CCDC186: variants seen among roughly 807,000 people sequenced by gnomAD.
The protein encoded by CCDC186 is coiled-coil domain-containing protein 186.
In CCDC186, 49 loss-of-function variants were observed where a neutral mutation model predicts 113.7. That is an observed-to-expected ratio of 0.43 (90% CI 0.34 to 0.55). The LOEUF (loss-of-function observed/expected upper bound fraction) is 0.55. Ranked by LOEUF, CCDC186 falls within the 20% of genes least tolerant of loss-of-function variation. CCDC186 has a pLI of 0.02. For missense variants in CCDC186, 890 were observed against 1,011.1 expected, an observed-to-expected ratio of 0.88 and a Z score of 1.62; for synonymous variants, 355 against 345.8, an observed-to-expected ratio of 1.03 and a Z score of -0.30.
intron 1 of CCDC186, among the ~76,000 whole-genome samples, chr10:114,169,133 A>G (rs2032414917): frequency 6.6e-6 from 1 of 152,106 alleles, no homozygotes; most frequent in South Asian, 2.1e-4. Flanking sequence ...GGGCTCCATC[A>G]GAAGCTAAGT....
Position 114,162,912 on chromosome 10 carries a change from C to G in CCDC186, c.357G>C (p.Leu119Phe), listed in dbSNP as rs775941338. ...GAAATGTAGATGACCTTAATTCCAC[C>G]AATATTTGTGTTACTTTCTGTTCTG... is the stretch of plus-strand genomic sequence containing the variant. The part of the protein sequence containing the change: ...NETEQKVTQI[L>F]VELRSSTFPE... The change falls in exon 2 of 16, where the codon TTG becomes TTC. Residue 119 changes from leucine (L) to phenylalanine (F), a missense_variant. Physicochemically the swap from Leu to Phe is conservative, Grantham distance 22 (BLOSUM62 0). Coordinates refer to ENST00000369287, the MANE Select transcript of CCDC186 (RefSeq NM_018017.4). 1.1e-5 allele frequency: 18 copies of G among 1,613,526 alleles called. No individual in the cohort carries two copies. The highest frequency in any genetic ancestry group is 1.4e-5 in the Non-Finnish European group (16 of 1,179,844).
intron 1 of CCDC186, among the ~76,000 whole-genome samples, chr10:114,164,065 A>AGTGTGTGTGTGTGTGTGTGTGTGT (rs747232906): frequency 2.4e-4 from 26 of 107,044 alleles, no homozygotes; most frequent in Non-Finnish European, 4.2e-4. Context: ...ACCAAGTTAG[A>AGTGTGTGTGTGTGTGTGTGTGTGT]GTGTGTGTGT....
rs1199866680 is a variant in CCDC186 at position 114,125,858 on chromosome 10, T to C, written c.2613+28A>G. 1.9e-6 allele frequency: 3 copies of C among 1,584,226 alleles called. No individual in the cohort carries two copies. The South Asian group carries it at 3.3e-5, about 18-fold the overall frequency. ...GGCATCATTTTGCCATGTTTACTGG[T>C]TGGTGTGTGAATGAGAAACACAAAT... On this transcript the variant is annotated intron_variant, in intron 15 of 15. Transcript: ENST00000369287.
Position 114,126,108 on chromosome 10 carries a change from G to A in CCDC186, c.2394-3C>T, listed in dbSNP as rs2119673333. On this transcript the variant is annotated splice_polypyrimidine_tract_variant and splice_region_variant and intron_variant, in intron 14 of 15. Transcript: ENST00000369287. The stretch of plus-strand genomic sequence containing the variant: ...GTAAAATATAACTTTGAATTATTCT[G>A]CAAAACAAAATGATAGTATCAGTTG... 1 of 1,611,022 alleles carries A rather than the reference G, an allele frequency of 6.2e-7. No individual in the cohort carries two copies. The highest frequency in any genetic ancestry group is 1.1e-5 in the South Asian group (1 of 90,982).
At chr10:114,157,493 C>A in intron 3 of CCDC186, 61 bp downstream of exon 3, 7 of 1,471,260 alleles carry the variant, frequency 4.8e-6, no homozygotes, top group Non-Finnish European at 6.4e-6. Flanking sequence ...CAATCGGCTG[C>A]CAGGAATGTA....
intron 3 of CCDC186, among the ~76,000 whole-genome samples, chr10:114,154,513 G>A (rs1419742210): frequency 6.6e-6 from 1 of 151,954 alleles, no homozygotes; most frequent in African/African-American, 2.4e-5. Flanking sequence ...GATCTGAATA[G>A]ACCTATAACA....
At chr10:114,170,771 G>A (rs2032471145) in intron 1 of CCDC186, among the ~76,000 whole-genome samples, 1 of 151,980 alleles carries the variant, frequency 6.6e-6, no homozygotes, top group Admixed American at 6.6e-5. Flanking sequence ...TCCAGACTCA[G>A]GGCAAGAACT....
chr10:114,135,589 CT>C (rs1170599934), intron 9 of CCDC186, among the ~76,000 whole-genome samples: 1 of 152,146 alleles, frequency 6.6e-6, no homozygotes, highest in East Asian at 1.9e-4. Flanking sequence ...GTCCAACTAT[CT>C]TTCCAATTGA....
At chr10:114,129,314 C>CAAA (rs10659450) in intron 13 of CCDC186, among the ~76,000 whole-genome samples, 69 of 139,004 alleles carry the variant, frequency 5.0e-4, no homozygotes, top group Admixed American at 1.1e-3. Context: ...AGACCTGTCT[C>CAAA]AAAAAAAAAA....
chr10:114,164,102 G>GTGTA (rs1386565625), intron 1 of CCDC186, among the ~76,000 whole-genome samples: 254 of 101,116 alleles, frequency 2.5e-3, no homozygotes, highest in Middle Eastern at 5.0e-3. Flanking sequence ...GTGTGTGTGT[G>GTGTA]TATATATATA....
At chr10:114,150,718 G>A (rs1321249358) in intron 4 of CCDC186, among the ~76,000 whole-genome samples, 2 of 151,950 alleles carry the variant, frequency 1.3e-5, no homozygotes, top group African/African-American at 2.4e-5. Context: ...GTGCAATCTC[G>A]GCTCACTGCA....
intron 4 of CCDC186, among the ~76,000 whole-genome samples, chr10:114,147,438 G>A (rs2031680235): frequency 6.6e-6 from 1 of 152,192 alleles, no homozygotes; most frequent in South Asian, 2.1e-4. Flanking sequence ...TCTATAGAAT[G>A]TAAGGGGTGA....
At position 114,163,075 on chromosome 10, in the gene CCDC186, G is replaced by A; in HGVS notation, c.194C>T (p.Ala65Val). The change falls in exon 2 of 16, where the codon GCC becomes GTC. Residue 65 changes from alanine (A) to valine (V), a missense_variant. By Grantham distance (64) the Ala-to-Val change is moderately conservative (BLOSUM62 0). Transcript: ENST00000369287. Reference sequence around the variant, plus strand: ...ATGATCTGGAATATAATTTTCCTGGGCTTCAATTCGATTATTATGCTCATT... The same window carrying A: ...ATGATCTGGAATATAATTTTCCTGGACTTCAATTCGATTATTATGCTCATT... ...QPNEHNNRIE[A>V]QENYIPDHGG... 4 of 1,614,016 alleles carry A rather than the reference G, an allele frequency of 2.5e-6. No individual in the cohort carries two copies. Among genetic ancestry groups the A allele is most frequent in the Non-Finnish European group, 3.4e-6 (4 of 1,179,974 alleles).
rs1342440719 is a variant in CCDC186, at chr10:114,124,545, C to T, written c.*598G>A. 6.6e-6 allele frequency: 1 copy of T among 152,024 alleles called. No individual in the cohort carries two copies. Among genetic ancestry groups the T allele is most frequent in the Non-Finnish European group, 1.5e-5 (1 of 67,968 alleles). The allele number at this position is 152,024 out of a possible 1,614,324, so 9.4% of individuals were successfully genotyped here. ...ATGTACCTAAAACAGATAAGAAAAC[C>T]TGACAGAGGCAAACAATGCCTGATC... On this transcript the variant is annotated 3_prime_UTR_variant, in exon 16 of 16. Coordinates refer to ENST00000369287, the MANE Select transcript of CCDC186 (RefSeq NM_018017.4).
intron 4 of CCDC186, among the ~76,000 whole-genome samples, chr10:114,149,624 A>AAGGG (rs1564912732): frequency 0.053 from 902 of 17,042 alleles, 53 homozygotes; most frequent in African/African-American, 0.068. Context: ...GAAGGGAAGG[A>AAGGG]AAGGGAGGGG....
intron 2 of CCDC186, among the ~76,000 whole-genome samples, chr10:114,159,920 C>A (rs2032122086): frequency 6.6e-6 from 1 of 152,042 alleles, no homozygotes; most frequent in Admixed American, 6.6e-5. Flanking sequence ...TGAGATCACA[C>A]CCACTACACT....
At chr10:114,141,490 TTGATGCAGCCCTGCC>T (rs573935477) in intron 6 of CCDC186, among the ~76,000 whole-genome samples, 1 of 152,202 alleles carries the variant, frequency 6.6e-6, no homozygotes, top group South Asian at 2.1e-4. Flanking sequence ...TGGGGGCTGC[TTGATGCAGCCCTGCC>T]TGATGTGTGT....
intron 15 of CCDC186, among the ~76,000 whole-genome samples, 194 bp from the exon 16 acceptor site, chr10:114,125,420 AACTTTCT>A (rs1179176569): frequency 6.6e-6 from 1 of 152,186 alleles, no homozygotes; most frequent in East Asian, 1.9e-4. Context: ...GTAACACTCA[AACTTTCT>A]ACTGAAGCTA....
chr10:114,161,328 CAT>C (rs779397152), intron 2 of CCDC186, among the ~76,000 whole-genome samples: 1 of 152,158 alleles, frequency 6.6e-6, no homozygotes, highest in Non-Finnish European at 1.5e-5. Flanking sequence ...GATAACAGCA[CAT>C]GTCACAGAGA....
Sources: gnomAD v4.1 joint callset for allele counts (sites outside exome capture counted in the v4.1 genomes callset) on GRCh38, gnomAD v4.1.1 for gene constraint, MANE v1.5 for transcripts, NCBI Gene and HGNC (gene_info 2026-07-23, HGNC 2026-07-21) for gene names.